The following PLCH1 variants were observed in gnomAD, a reference collection of about 807,000 sequenced individuals.
PLCH1 encodes phospholipase C eta 1.
Under a neutral mutation model 126.7 loss-of-function variants are expected in PLCH1, and 60 were observed. The observed-to-expected ratio is 0.47, with a 90% CI of 0.38 to 0.59. The LOEUF (loss-of-function observed/expected upper bound fraction) is 0.59. Ranked by LOEUF, PLCH1 falls within the 20% of genes least tolerant of loss-of-function variation. The probability of loss-of-function intolerance (pLI) is 0.00; values close to 1 mark genes in which losing one functional copy is unlikely to be tolerated. For synonymous variants in PLCH1, 719 were observed against 734.9 expected (o/e 0.98, Z 0.35); for missense variants, 1,723 against 2,040.0 (o/e 0.84, Z 2.99).
At chr3:155,531,360 C>A (rs893221829) in intron 10 of PLCH1, among the ~76,000 whole-genome samples, 1 of 152,238 alleles carries the variant, frequency 6.6e-6, no homozygotes. Context: ...CACAGTGGCT[C>A]ACGCCTGTAA....
intron 13 of PLCH1, among the ~76,000 whole-genome samples, chr3:155,503,932 TA>T (rs1718281780): frequency 6.6e-6 from 1 of 152,248 alleles, no homozygotes; most frequent in South Asian, 2.1e-4. Flanking sequence ...TGGGCCAAAG[TA>T]CTTGCACAAA....
rs1749079512 is a variant in PLCH1 at position 155,735,164 on chromosome 3, C to T, written c.-41+9676G>A. ...ATATGTAAAATCTAAAAAAGTTGAA[C>T]TCATAGAAGGAAAGAGTAGAATGGT... is the stretch of plus-strand genomic sequence containing the variant. On this transcript the variant is annotated intron_variant, in intron 1 of 22. Coordinates refer to ENST00000460012, the MANE Select transcript of PLCH1 (RefSeq NM_014996.4). Among the ~76,000 whole-genome samples, 2 of 151,972 alleles carry T rather than the reference C, an allele frequency of 1.3e-5. 1 individual carries two copies. The highest frequency in any genetic ancestry group is 4.8e-5 in the African/African-American group (2 of 41,366).
chr3:155,606,447 C>T (rs951573924), intron 2 of PLCH1, among the ~76,000 whole-genome samples: 3 of 152,196 alleles, frequency 2.0e-5, no homozygotes, highest in African/African-American at 7.2e-5. Flanking sequence ...TCAAAAATAA[C>T]TCCACATTAT....
intron 10 of PLCH1, among the ~76,000 whole-genome samples, chr3:155,526,027 T>G (rs1721851032): frequency 6.6e-6 from 1 of 152,202 alleles, no homozygotes; most frequent in Non-Finnish European, 1.5e-5. Context: ...CAGCTATCTG[T>G]ATTAGCAAGG....
chr3:155,726,697 CT>C (rs60339858), intron 1 of PLCH1, among the ~76,000 whole-genome samples: 320 of 135,818 alleles, frequency 2.4e-3, no homozygotes, highest in Middle Eastern at 4.1e-3. Flanking sequence ...TGTTCAGATT[CT>C]TTTTTTTTTT....
intron 2 of PLCH1, among the ~76,000 whole-genome samples, chr3:155,625,238 T>G (rs1190469566): frequency 6.6e-6 from 1 of 152,024 alleles, no homozygotes; most frequent in Admixed American, 6.6e-5. Context: ...ATACAAAAAT[T>G]AACTCAAGAT....
At chr3:155,542,856 A>AG (rs1027899463) in intron 10 of PLCH1, among the ~76,000 whole-genome samples, 2 of 152,192 alleles carry the variant, frequency 1.3e-5, no homozygotes, top group African/African-American at 4.8e-5. Context: ...ACTAACAAAC[A>AG]GAAAGGACAT....
At chr3:155,591,733 GT>G (rs550206917) in intron 4 of PLCH1, among the ~76,000 whole-genome samples, 1 of 151,972 alleles carries the variant, frequency 6.6e-6, no homozygotes, top group African/African-American at 2.4e-5. Context: ...AATCTTCAGG[GT>G]TTTTTTGTTA....
intron 21 of PLCH1, among the ~76,000 whole-genome samples, chr3:155,451,971 A>G (rs1335097135): frequency 6.6e-6 from 1 of 152,088 alleles, no homozygotes; most frequent in Non-Finnish European, 1.5e-5. Context: ...ACATCAGCCC[A>G]TTCCTTATAA....
chr3:155,743,838 G>T lies in PLCH1; in HGVS notation c.-41+1002C>A, dbSNP rs543333699. 3.1e-4 allele frequency: 62 copies of T among 197,022 alleles called. 1 individual carries two copies. The highest frequency in any genetic ancestry group is 2.7e-3 in the South Asian group (37 of 13,904). The allele number at this position is 197,022 out of a possible 1,614,324, so 12.2% of individuals were successfully genotyped here. On this transcript the variant is annotated intron_variant, in intron 1 of 22. Coordinates refer to ENST00000460012, the MANE Select transcript of PLCH1 (RefSeq NM_014996.4). The stretch of plus-strand genomic sequence containing the variant: ...GCACAGATTTGTTCTTGTAACGCTC[G>T]AGAACAATCACTTCACTGAATTTTC...
At chr3:155,578,226 C>T (rs1287792670) in intron 6 of PLCH1, among the ~76,000 whole-genome samples, 1 of 152,198 alleles carries the variant, frequency 6.6e-6, no homozygotes, top group African/African-American at 2.4e-5. Flanking sequence ...TACCCAATTC[C>T]CTTTTTCTAC....
chr3:155,514,202 G>C (rs1480360115), intron 12 of PLCH1, among the ~76,000 whole-genome samples: 1 of 152,218 alleles, frequency 6.6e-6, no homozygotes, highest in Non-Finnish European at 1.5e-5. Flanking sequence ...GGATTTCTAA[G>C]TTTAGAAACT....
chr3:155,606,777 A>G (rs772534703), intron 2 of PLCH1, among the ~76,000 whole-genome samples: 1 of 152,220 alleles, frequency 6.6e-6, no homozygotes, highest in Non-Finnish European at 1.5e-5. Flanking sequence ...CCTTTGCAAC[A>G]AGATACACTG....
At chr3:155,571,956 C>T (rs890016906) in intron 6 of PLCH1, among the ~76,000 whole-genome samples, 1 of 152,156 alleles carries the variant, frequency 6.6e-6, no homozygotes, top group Non-Finnish European at 1.5e-5. Context: ...ATTGTGTTTC[C>T]TTTCTCACAG....
At chr3:155,477,368 G>T (rs576160125), downstream of PLCH1, among the ~76,000 whole-genome samples, 3 of 151,778 alleles carry the variant, frequency 2.0e-5, no homozygotes, top group Non-Finnish European at 4.4e-5. Context: ...CCACAAGCAC[G>T]GGCAACCAAA....
chr3:155,497,452 G>A (rs1315059992), intron 14 of PLCH1, 35 bp from the exon 15 acceptor site: 2 of 1,450,320 alleles, frequency 1.4e-6, no homozygotes, highest in Non-Finnish European at 1.9e-6. Flanking sequence ...ATGACATTTT[G>A]GAGTTGAAAG....
At chr3:155,741,343 C>G (rs1434540779) in intron 1 of PLCH1, among the ~76,000 whole-genome samples, 1 of 152,236 alleles carries the variant, frequency 6.6e-6, no homozygotes, top group African/African-American at 2.4e-5. Flanking sequence ...TTCTGCACCA[C>G]TTGGTCCACA....
chr3:155,502,365 A>T (rs1718032474), intron 13 of PLCH1, among the ~76,000 whole-genome samples: 1 of 152,230 alleles, frequency 6.6e-6, no homozygotes, highest in Non-Finnish European at 1.5e-5. Flanking sequence ...GTCAATATTT[A>T]TTAAAATAAT....
intron 2 of PLCH1, among the ~76,000 whole-genome samples, chr3:155,689,241 A>G (rs1165564139): frequency 6.6e-6 from 1 of 152,226 alleles, no homozygotes; most frequent in Non-Finnish European, 1.5e-5. Context: ...AGTCTGAAAA[A>G]AACACAGCAT....
Sources: gnomAD v4.1 joint callset for allele counts (sites outside exome capture counted in the v4.1 genomes callset) on GRCh38, gnomAD v4.1.1 for gene constraint, MANE v1.5 for transcripts, NCBI Gene and HGNC (gene_info 2026-07-23, HGNC 2026-07-21) for gene names.